CDH13: variants seen among roughly 807,000 people sequenced by gnomAD.
The protein encoded by CDH13 is cadherin 13, also known as cadherin-13.
In CDH13, 24 loss-of-function variants were observed where a neutral mutation model predicts 63.8. The ratio of observed to expected loss-of-function variants is 0.38; its 90% CI spans 0.27 to 0.53. The LOEUF is 0.53. Ranked by LOEUF, CDH13 falls within the 20% of genes least tolerant of loss-of-function variation. The probability of loss-of-function intolerance (pLI) is 0.85; values close to 1 mark genes in which losing one functional copy is unlikely to be tolerated. For synonymous variants in CDH13, 503 were observed against 355.3 expected (o/e 1.42, Z -4.67); for missense variants, 1,049 against 903.1 (o/e 1.16, Z -2.07).
chr16:83,453,718 C>T (rs995159820), intron 6 of CDH13, among the ~76,000 whole-genome samples: 4 of 152,012 alleles, frequency 2.6e-5, no homozygotes, highest in Non-Finnish European at 2.9e-5. Flanking sequence ...GCCGTACTCC[C>T]GAACTTGTTT....
intron 2 of CDH13, among the ~76,000 whole-genome samples, chr16:82,950,892 G>C (rs890023048): frequency 6.7e-6 from 1 of 148,820 alleles, no homozygotes; most frequent in Non-Finnish European, 1.5e-5. Flanking sequence ...GGACACAAAA[G>C]AGCATCTGAT....
intron 4 of CDH13, among the ~76,000 whole-genome samples, chr16:83,175,851 G>A (rs752987940): frequency 3.4e-5 from 4 of 117,904 alleles, no homozygotes; most frequent in Admixed American, 9.9e-5. Context: ...TTTTTGAGAC[G>A]GAGTTTCACT....
At chr16:83,704,158 A>T (rs1336556517) in intron 10 of CDH13, among the ~76,000 whole-genome samples, 1 of 152,200 alleles carries the variant, frequency 6.6e-6, no homozygotes, top group Non-Finnish European at 1.5e-5. Context: ...TGAAGCTGTG[A>T]TTTCCAGTGT....
chr16:83,028,798 C>T (rs1416613240), intron 2 of CDH13, among the ~76,000 whole-genome samples: 7 of 152,064 alleles, frequency 4.6e-5, no homozygotes, highest in African/African-American at 1.7e-4. Flanking sequence ...CTGTGTTGAC[C>T]ATGGGTATCT....
intron 1 of CDH13, among the ~76,000 whole-genome samples, chr16:82,646,921 T>G (rs17176567): frequency 1.3e-5 from 2 of 152,042 alleles, no homozygotes; most frequent in Non-Finnish European, 2.9e-5. Flanking sequence ...TGGGTGACTA[T>G]GAATGTGAAG....
chr16:82,717,850 G>T (rs974082737), intron 1 of CDH13, among the ~76,000 whole-genome samples: 1 of 133,604 alleles, frequency 7.5e-6, no homozygotes, highest in Non-Finnish European at 1.6e-5. Flanking sequence ...TACTGTAGTA[G>T]GGGTTCATCA....
chr16:83,358,074 G>A (rs2091091771), intron 6 of CDH13, among the ~76,000 whole-genome samples: 1 of 152,186 alleles, frequency 6.6e-6, no homozygotes, highest in Non-Finnish European at 1.5e-5. Context: ...CAGAGCAGAA[G>A]CATTTTCCTC....
Position 83,670,648 on chromosome 16 carries a change from A to G in CDH13, c.1102-142A>G, listed in dbSNP as rs900318412. ...TTCAAGGAAAGCTGAGAAGAAGAGC[A>G]TAGTATCTTCCAACCGTAATCCTCT... On this transcript the variant is annotated intron_variant, in intron 8 of 13. Coordinates refer to ENST00000567109, the MANE Select transcript of CDH13 (RefSeq NM_001257.5). The G allele has an allele frequency of 5.3e-4, 411 of 778,760 alleles. 5 individuals are homozygous for G. The highest frequency in any genetic ancestry group is 9.7e-5 in the Non-Finnish European group (46 of 475,102). 48.2% of individuals were successfully genotyped at this position (778,760 alleles called of 1,614,324 possible).
At chr16:83,318,198 C>G (rs2090145780) in intron 5 of CDH13, among the ~76,000 whole-genome samples, 1 of 152,182 alleles carries the variant, frequency 6.6e-6, no homozygotes. Flanking sequence ...TGAGAAAAGA[C>G]AAGATTATGT....
intron 1 of CDH13, among the ~76,000 whole-genome samples, chr16:82,802,966 A>G (rs998453526): frequency 5.3e-5 from 8 of 152,242 alleles, no homozygotes; most frequent in Non-Finnish European, 2.9e-5. Flanking sequence ...ACTCTAAAAT[A>G]CTTACTTGAA....
At position 83,010,150 on chromosome 16, in the gene CDH13, A is replaced by C. The variant is rs1400785310; in HGVS notation, c.158-21860A>C. 3.4e-5 allele frequency among the ~76,000 whole-genome samples: 5 copies of C among 148,760 alleles called. 1 individual carries two copies. The South Asian group carries it at 8.6e-4, about 25-fold the overall frequency. ...AACTCTGTCTCAAAAAAAAAAAAAA[A>C]AAAAAAAAAAAACAAGAATGGCTCA... On this transcript the variant is annotated intron_variant, in intron 2 of 13. Transcript: ENST00000567109.
intron 5 of CDH13, among the ~76,000 whole-genome samples, chr16:83,222,716 A>C (rs1399303532): frequency 6.6e-6 from 1 of 152,016 alleles, no homozygotes. Context: ...CAGTCAACAA[A>C]ATCACCTCCA....
intron 5 of CDH13, among the ~76,000 whole-genome samples, chr16:83,251,103 T>A (rs569165530): frequency 1.5e-4 from 23 of 152,236 alleles, no homozygotes; most frequent in African/African-American, 5.1e-4. Context: ...AACTTCCTGA[T>A]GGAGATGGAA....
intron 1 of CDH13, among the ~76,000 whole-genome samples, chr16:82,679,124 C>T (rs1448151093): frequency 1.3e-5 from 2 of 152,190 alleles, no homozygotes; most frequent in Non-Finnish European, 2.9e-5. Flanking sequence ...GCCCGAGGAA[C>T]GCCAGCTCCT....
intron 3 of CDH13, among the ~76,000 whole-genome samples, chr16:83,083,258 T>A (rs2033375794): frequency 6.6e-6 from 1 of 152,220 alleles, no homozygotes; most frequent in Admixed American, 6.5e-5. Context: ...AACTGGTGTT[T>A]TTATGTGTAG....
intron 6 of CDH13, among the ~76,000 whole-genome samples, chr16:83,449,539 C>G (rs748628409): frequency 1.3e-5 from 2 of 152,188 alleles, no homozygotes; most frequent in Non-Finnish European, 2.9e-5. Context: ...TTTAGTCACT[C>G]TGAGCCTGGA....
chr16:83,560,968 A>G (rs987826927), intron 7 of CDH13, among the ~76,000 whole-genome samples: 2 of 152,166 alleles, frequency 1.3e-5, no homozygotes, highest in African/African-American at 4.8e-5. Flanking sequence ...TGTCTAGCAA[A>G]TTAGAACAAG....
intron 6 of CDH13, among the ~76,000 whole-genome samples, chr16:83,345,249 C>T (rs927157227): frequency 1.3e-5 from 2 of 152,196 alleles, no homozygotes; most frequent in South Asian, 2.1e-4. Context: ...TGACTGCCAT[C>T]TAAGTCTCTA....
At chr16:83,145,446 G>A (rs1234028777) in intron 4 of CDH13, among the ~76,000 whole-genome samples, 1 of 152,172 alleles carries the variant, frequency 6.6e-6, no homozygotes, top group African/African-American at 2.4e-5. Flanking sequence ...AAGTGTTCTT[G>A]GCATGTCATG....
Sources: allele counts gnomAD v4.1 joint callset (sites outside exome capture counted in the v4.1 genomes callset), GRCh38; gene constraint gnomAD v4.1.1; transcripts MANE v1.5; gene names NCBI Gene and HGNC (gene_info 2026-07-23, HGNC 2026-07-21).